Variants in HEPHL1 observed in about 807,000 individuals in gnomAD.
HEPHL1 encodes hephaestin like 1.
In HEPHL1, 123 loss-of-function variants were observed where a neutral mutation model predicts 122.0. The ratio of observed to expected loss-of-function variants is 1.01; its 90% CI spans 0.87 to 1.17. The LOEUF (loss-of-function observed/expected upper bound fraction) is 1.17. Among genes scored for constraint, HEPHL1 ranks in the 50% most tolerant of loss-of-function variants. HEPHL1 has a pLI of 0.00. For synonymous variants in HEPHL1, 527 were observed against 508.9 expected, an observed-to-expected ratio of 1.04 and a Z score of -0.48; for missense variants, 1,452 against 1,430.5, an observed-to-expected ratio of 1.01 and a Z score of -0.24.
At chr11:94,088,530 T>G (rs1460663803) in intron 11 of HEPHL1, among the ~76,000 whole-genome samples, 1 of 152,194 alleles carries the variant, frequency 6.6e-6, no homozygotes, top group Admixed American at 6.5e-5. Context: ...GTTTCTTTTT[T>G]TATAACAAAT....
intron 1 of HEPHL1, among the ~76,000 whole-genome samples, chr11:94,043,321 G>A (rs1460318229): frequency 6.6e-6 from 1 of 152,088 alleles, no homozygotes; most frequent in Non-Finnish European, 1.5e-5. Flanking sequence ...TCATGTACCA[G>A]TCCCAAGTAC....
chr11:94,102,989 G>A lies in HEPHL1; in HGVS notation c.2651G>A (p.Trp884Ter). Residue 884 changes from tryptophan (W) to a stop codon, truncating the protein, a stop_gained, in exon 15 of 20, where the codon TGG becomes TAG. Coordinates refer to ENST00000315765, the MANE Select transcript of HEPHL1 (RefSeq NM_001098672.2). LOFTEE classifies it high-confidence loss of function. ...CCTTCTGATCCCAATTGTATTCCAT[G>A]GGTTTACTATTCAACAGTAAACTTT... Reference protein sequence around the residue: ...PGPSDPNCIPWVYYSTVNFVK... With the variant: ...PGPSDPNCIP 1 of 1,605,878 alleles carries A rather than the reference G, an allele frequency of 6.2e-7. No individual in the cohort carries two copies. The highest frequency in any genetic ancestry group is 1.3e-5 in the African/African-American group (1 of 74,822).
At chr11:94,039,258 A>G (rs1353151118) in intron 1 of HEPHL1, among the ~76,000 whole-genome samples, 1 of 147,148 alleles carries the variant, frequency 6.8e-6, no homozygotes, top group Non-Finnish European at 1.5e-5. Flanking sequence ...TTAGACTCCC[A>G]CACATTAATA....
intron 16 of HEPHL1, among the ~76,000 whole-genome samples, chr11:94,105,033 C>A (rs765510196): frequency 3.9e-5 from 6 of 152,050 alleles, no homozygotes; most frequent in African/African-American, 7.3e-5. Context: ...AAAAACAAAT[C>A]ATCATTTATT....
Position 94,021,486 on chromosome 11 carries a change from T to A in HEPHL1, c.118T>A (p.Tyr40Asn). ...TGGGATTGTGGAAGAATACTGGAAC[T>A]ATGTACCCCAAGGGAAGAATGTTAT... is the stretch of plus-strand genomic sequence containing the variant. ...YIGIVEEYWNYVPQGKNVITG... is the reference protein window; with the variant it reads ...YIGIVEEYWNNVPQGKNVITG... Residue 40 changes from tyrosine to asparagine, a missense_variant, in exon 1 of 20, where the codon TAT becomes AAT. Tyr to Asn is a moderately radical substitution (Grantham distance 143). Coordinates refer to ENST00000315765, the MANE Select transcript of HEPHL1 (RefSeq NM_001098672.2). 1 of 1,613,224 alleles carries A rather than the reference T, an allele frequency of 6.2e-7. No individual in the cohort carries two copies.
At chr11:94,038,220 T>C (rs1416140193) in intron 1 of HEPHL1, among the ~76,000 whole-genome samples, 1 of 150,930 alleles carries the variant, frequency 6.6e-6, no homozygotes, top group Non-Finnish European at 1.5e-5. Flanking sequence ...TGGGACTATG[T>C]GAAAAGACCA....
chr11:94,056,532 T>C (rs1023798207), intron 2 of HEPHL1, among the ~76,000 whole-genome samples: 1 of 152,156 alleles, frequency 6.6e-6, no homozygotes, highest in Non-Finnish European at 1.5e-5. Flanking sequence ...TATTTTCTTA[T>C]TGGTTTGCCT....
chr11:94,063,268 C>T (rs1265085809), intron 2 of HEPHL1, among the ~76,000 whole-genome samples: 2 of 152,166 alleles, frequency 1.3e-5, no homozygotes, highest in Admixed American at 6.6e-5. Flanking sequence ...CTGTTCAAAA[C>T]ACTCTGTATA....
At position 94,063,675 on chromosome 11, in the gene HEPHL1, G is replaced by A. The variant is rs747291875; in HGVS notation, c.583G>A (p.Asp195Asn). Reference protein sequence around the residue: ...VYHSHIDAPKDICSGLIGPLL... With the variant: ...VYHSHIDAPKNICSGLIGPLL... ...CCATTCGCACATCGACGCCCCAAAG[G>A]ACATCTGCTCTGGGCTAATTGGGCC... The change falls in exon 3 of 20, where the codon GAC becomes AAC. Residue 195 changes from aspartate (D) to asparagine (N), a missense_variant. Transcript: ENST00000315765. The A allele has an allele frequency of 6.2e-6, 10 of 1,613,724 alleles. No homozygotes were observed. In the Admixed American group the frequency reaches 1.5e-4, roughly 24 times the overall value.
chr11:94,111,636 T>A (rs752883530), intron 19 of HEPHL1, 31 bp downstream of exon 19: 4 of 1,607,990 alleles, frequency 2.5e-6, no homozygotes, highest in East Asian at 4.5e-5. Context: ...TGTAAATGAG[T>A]CAACATTTCA....
chr11:94,044,260 C>T (rs7121467), intron 1 of HEPHL1, among the ~76,000 whole-genome samples: 1,563 of 152,192 alleles, frequency 0.01, 27 homozygotes, highest in African/African-American at 0.035. Context: ...CCCAGGAAGG[C>T]ATCTGGTCAT....
intron 6 of HEPHL1, among the ~76,000 whole-genome samples, chr11:94,071,576 AT>A (rs1191069098): frequency 6.6e-6 from 1 of 152,178 alleles, no homozygotes; most frequent in Non-Finnish European, 1.5e-5. Context: ...TATTCAATCA[AT>A]GTTTAATGTG....
Position 94,088,788 on chromosome 11 carries a change from A to C in HEPHL1, c.2114A>C (p.His705Pro), listed in dbSNP as rs764497377. ...AGGGTGTTTTGTGCCACCATGCCCC[A>C]CCTCTCGAGAGGCATGGGTCAGATC... ...IFRVFCATMP[H>P]LSRGMGQIYE... The change falls in exon 12 of 20, where the codon CAC becomes CCC. Residue 705 changes from histidine to proline, a missense_variant. Physicochemically the swap from His to Pro is moderately conservative, Grantham distance 77. Transcript: ENST00000315765. 9 of 1,613,644 alleles carry C rather than the reference A, an allele frequency of 5.6e-6. No homozygotes were observed. The highest frequency in any genetic ancestry group is 1.3e-5 in the African/African-American group (1 of 74,878).
chr11:94,085,930 C>A, intron 10 of HEPHL1, 47 bp from the exon 11 acceptor site: 4 of 1,341,580 alleles, frequency 3.0e-6, no homozygotes, highest in Non-Finnish European at 3.2e-6. Flanking sequence ...AGCTCCCCTG[C>A]CCCATACACA....
intron 5 of HEPHL1, among the ~76,000 whole-genome samples, chr11:94,070,140 G>A (rs546623422): frequency 2.4e-4 from 37 of 152,018 alleles, no homozygotes; most frequent in African/African-American, 8.4e-4. Flanking sequence ...TTCTATTGGA[G>A]ATTTACTTGT....
intron 11 of HEPHL1, among the ~76,000 whole-genome samples, chr11:94,088,032 A>G (rs1023931641): frequency 1.3e-5 from 2 of 152,242 alleles, no homozygotes; most frequent in Non-Finnish European, 2.9e-5. Context: ...CAATAATTTT[A>G]TCTGTCTTAT....
intron 13 of HEPHL1, among the ~76,000 whole-genome samples, chr11:94,099,814 G>A (rs981023523): frequency 6.6e-6 from 1 of 152,198 alleles, no homozygotes; most frequent in Non-Finnish European, 1.5e-5. Context: ...ATCTGAGCCA[G>A]GCACCGGCTA....
At chr11:94,101,411 T>G in intron 14 of HEPHL1, 76 bp downstream of exon 14, 1 of 1,424,722 alleles carries the variant, frequency 7.0e-7, no homozygotes, top group Non-Finnish European at 9.6e-7. Flanking sequence ...CAGAGGTGTC[T>G]TAAAGAGCTC....
In HEPHL1 at chr11:94,067,481, T is replaced by C. The variant is rs1591475932; in HGVS notation, c.809-15T>C. On this transcript the variant is annotated splice_polypyrimidine_tract_variant and intron_variant, in intron 4 of 19. Coordinates refer to ENST00000315765, the MANE Select transcript of HEPHL1 (RefSeq NM_001098672.2). ...TGCAGGGGAGTCTCTTCCACTAGCG[T>C]GTTTCTGTTTCCAGCCCTCAATGGA... 1 of 1,610,476 alleles carries C rather than the reference T, an allele frequency of 6.2e-7. No individual in the cohort carries two copies.
Sources: gnomAD v4.1 joint callset for allele counts (sites outside exome capture counted in the v4.1 genomes callset) on GRCh38, gnomAD v4.1.1 for gene constraint, MANE v1.5 for transcripts, NCBI Gene and HGNC (gene_info 2026-07-23, HGNC 2026-07-21) for gene names.